IL1RAP: variants seen among roughly 807,000 people sequenced by gnomAD.
IL1RAP encodes the protein interleukin 1 receptor accessory protein.
IL1RAP carries 35 observed loss-of-function variants against 60.7 expected under a neutral mutation model. The observed-to-expected ratio is 0.58, with a 90% CI of 0.44 to 0.76. The LOEUF is 0.76. IL1RAP is among the 30% of genes least tolerant of loss of function. IL1RAP has a pLI of 0.00. For synonymous variants in IL1RAP, 268 were observed against 250.9 expected (o/e 1.07, Z -0.64); for missense variants, 572 against 693.9 (o/e 0.82, Z 1.97).
At chr3:190,517,611 A>G (rs1721642803) in intron 1 of IL1RAP, among the ~76,000 whole-genome samples, 1 of 152,216 alleles carries the variant, frequency 6.6e-6, no homozygotes, top group Admixed American at 6.5e-5. Context: ...CTCATAGGCC[A>G]TTAGATTTCT....
chr3:190,624,184 G>A (rs567122963), intron 7 of IL1RAP, among the ~76,000 whole-genome samples: 10 of 152,306 alleles, frequency 6.6e-5, no homozygotes, highest in South Asian at 2.1e-4. Context: ...CATCCCATGC[G>A]GGAACCATAG....
chr3:190,622,512 G>A (rs984535701), intron 6 of IL1RAP, among the ~76,000 whole-genome samples: 2 of 152,054 alleles, frequency 1.3e-5, no homozygotes, highest in African/African-American at 4.8e-5. Flanking sequence ...AGGTTCCCGC[G>A]TTACCCACAA....
At chr3:190,541,115 G>A (rs1723899253) in intron 1 of IL1RAP, among the ~76,000 whole-genome samples, 1 of 152,002 alleles carries the variant, frequency 6.6e-6, no homozygotes, top group Admixed American at 6.5e-5. Context: ...CTCTCCCATA[G>A]AAACTGGGAG....
At position 190,602,656 on chromosome 3, in the gene IL1RAP, T is replaced by C. The variant is rs1012454499; in HGVS notation, c.65-1472T>C. On this transcript the variant is annotated intron_variant, in intron 3 of 11. Coordinates refer to ENST00000447382, the MANE Select transcript of IL1RAP (RefSeq NM_002182.4). ...TGTTTTTAGGTTGGATATTGGTGTA[T>C]GGCAAATCACTATTCCATTGGATGT... 3.3e-5 allele frequency among the ~76,000 whole-genome samples: 5 copies of C among 152,328 alleles called. No individual in the cohort carries two copies. The East Asian group carries it at 9.6e-4, about 29-fold the overall frequency.
At chr3:190,526,938 C>T (rs1722561528) in intron 1 of IL1RAP, among the ~76,000 whole-genome samples, 1 of 152,204 alleles carries the variant, frequency 6.6e-6, no homozygotes, top group Non-Finnish European at 1.5e-5. Flanking sequence ...GAAAGGCCCT[C>T]TTATAGGAAG....
rs371441395 is a variant in IL1RAP at position 190,563,298 on chromosome 3, A to G, written c.-1-991A>G. On this transcript the variant is annotated intron_variant, in intron 2 of 11. Transcript: ENST00000447382. ...ATAGCATCTTTGTCACTTACTGGAA[A>G]TATGAGCTGGACAAGTTATCAAGAC... 19 of 152,320 alleles carry G rather than the reference A, an allele frequency of 1.2e-4. No individual in the cohort carries two copies. The East Asian group carries it at 3.7e-3, about 29-fold the overall frequency. The allele number at this position is 152,320 out of a possible 1,614,324, so 9.4% of individuals were successfully genotyped here. A position where few individuals can be genotyped will look rare whatever the true frequency, so the allele number is the denominator to read the frequency against.
intron 3 of IL1RAP, among the ~76,000 whole-genome samples, chr3:190,575,050 AG>A (rs1727317411): frequency 6.6e-6 from 1 of 152,194 alleles, no homozygotes; most frequent in Admixed American, 6.5e-5. Context: ...TTGTCATAAA[AG>A]GATGATAAGT....
chr3:190,626,484 G>T (rs1459149900), intron 7 of IL1RAP, among the ~76,000 whole-genome samples: 2 of 151,846 alleles, frequency 1.3e-5, no homozygotes, highest in Non-Finnish European at 1.5e-5. Context: ...ACCCTGATAG[G>T]TGGAGCATTT....
chr3:190,655,390 TA>T (rs1363082329), downstream of IL1RAP, among the ~76,000 whole-genome samples: 2 of 152,124 alleles, frequency 1.3e-5, no homozygotes, highest in African/African-American at 4.8e-5. Flanking sequence ...TACAAAGATA[TA>T]AAAATGGTTT....
intron 9 of IL1RAP, among the ~76,000 whole-genome samples, chr3:190,640,214 C>G (rs1007583618): frequency 6.6e-6 from 1 of 152,180 alleles, no homozygotes; most frequent in African/African-American, 2.4e-5. Flanking sequence ...TTAAAAGGTG[C>G]CTTTAATCGA....
chr3:190,536,288 T>A (rs1001699402), intron 1 of IL1RAP, among the ~76,000 whole-genome samples: 6 of 152,206 alleles, frequency 3.9e-5, no homozygotes, highest in Non-Finnish European at 7.3e-5. Flanking sequence ...ATTCTTTTTT[T>A]AATTTTTTTT....
intron 3 of IL1RAP, among the ~76,000 whole-genome samples, chr3:190,600,568 G>A (rs576258242): frequency 4.3e-4 from 66 of 152,302 alleles, no homozygotes; most frequent in African/African-American, 1.5e-3. Flanking sequence ...ACCTAAGGGA[G>A]CCTCTGTCTC....
At chr3:190,645,089 T>G (rs1233834840) in intron 10 of IL1RAP, among the ~76,000 whole-genome samples, 2 of 152,224 alleles carry the variant, frequency 1.3e-5, no homozygotes, top group African/African-American at 2.4e-5. Context: ...AGCACAGCTC[T>G]AGTGCAAATT....
Position 190,649,921 on chromosome 3 carries a change from TTACATGTAGATTA to T in IL1RAP, c.*1222_*1234del. The T allele has an allele frequency of 4.2e-6, 4 of 949,624 alleles. No homozygotes were observed. The highest frequency in any genetic ancestry group is 5.0e-6 in the Non-Finnish European group (4 of 797,358). 58.8% of individuals were successfully genotyped at this position (949,624 alleles called of 1,614,324 possible). On this transcript the variant is annotated 3_prime_UTR_variant, in exon 12 of 12. Coordinates refer to ENST00000447382, the MANE Select transcript of IL1RAP (RefSeq NM_002182.4). ...GTTTACAGAGTGGTAAATATCTATG[TTACATGTAGATTA>T]TACATATATATACACACGTGTATAT... is the stretch of plus-strand genomic sequence containing the variant.
intron 3 of IL1RAP, among the ~76,000 whole-genome samples, chr3:190,583,818 G>T (rs1047849672): frequency 3.3e-5 from 5 of 152,198 alleles, no homozygotes; most frequent in African/African-American, 7.2e-5. Flanking sequence ...AATTGCCTCT[G>T]CCCGGTTGTT....
intron 1 of IL1RAP, among the ~76,000 whole-genome samples, chr3:190,523,010 A>G (rs1722220460): frequency 6.6e-6 from 1 of 152,292 alleles, no homozygotes; most frequent in East Asian, 1.9e-4. Context: ...AGAAGTAAGT[A>G]ATTTGATACA....
At chr3:190,654,974 A>G (rs1482692275), downstream of IL1RAP, among the ~76,000 whole-genome samples, 4 of 152,158 alleles carry the variant, frequency 2.6e-5, no homozygotes, top group Non-Finnish European at 4.4e-5. Context: ...CTACTTGACT[A>G]ATTCTTACCC....
At chr3:190,514,595 C>G (rs1047368807) in intron 1 of IL1RAP, among the ~76,000 whole-genome samples, 4 of 151,732 alleles carry the variant, frequency 2.6e-5, no homozygotes, top group African/African-American at 7.3e-5. Context: ...CTGGAAGCGC[C>G]GAGGACAGAA....
At chr3:190,572,862 T>TTTTTG (rs1238483234) in intron 3 of IL1RAP, among the ~76,000 whole-genome samples, 2 of 26,748 alleles carry the variant, frequency 7.5e-5, no homozygotes, top group Non-Finnish European at 1.5e-4. Flanking sequence ...ATGCTTTGTT[T>TTTTTG]TTTTTTTTTT....
Sources: gnomAD v4.1 joint callset for allele counts (sites outside exome capture counted in the v4.1 genomes callset) on GRCh38, gnomAD v4.1.1 for gene constraint, MANE v1.5 for transcripts, NCBI Gene and HGNC (gene_info 2026-07-23, HGNC 2026-07-21) for gene names.